SLC12A8: variants seen among roughly 807,000 people sequenced by gnomAD.
SLC12A8 encodes solute carrier family 12 member 8.
In SLC12A8, 69 loss-of-function variants were observed where a neutral mutation model predicts 75.6. That is an observed-to-expected ratio of 0.91 (90% confidence interval 0.75 to 1.11). The LOEUF (loss-of-function observed/expected upper bound fraction) is 1.11. SLC12A8 is among the 50% of genes most tolerant of loss of function. The probability of loss-of-function intolerance (pLI) is 0.00; values close to 1 mark genes in which losing one functional copy is unlikely to be tolerated. For missense variants in SLC12A8, 877 were observed against 896.7 expected (o/e 0.98, Z 0.28); for synonymous variants, 365 against 372.8 (o/e 0.98, Z 0.24).
intron 8 of SLC12A8, among the ~76,000 whole-genome samples, chr3:125,114,840 ATC>A (rs1939269968): frequency 6.6e-6 from 1 of 152,216 alleles, no homozygotes; most frequent in African/African-American, 2.4e-5. Flanking sequence ...TGTAATAAAC[ATC>A]TGTTTCCTGG....
intron 2 of SLC12A8, among the ~76,000 whole-genome samples, chr3:125,209,071 C>A (rs1935287581): frequency 6.6e-6 from 1 of 152,182 alleles, no homozygotes; most frequent in South Asian, 2.1e-4. Flanking sequence ...AATTTCTGAT[C>A]CCCAAGACTG....
In SLC12A8 at chr3:125,083,789, T is replaced by C; in HGVS notation, c.*101A>G. On this transcript the variant is annotated 3_prime_UTR_variant, in exon 14 of 14. Coordinates refer to ENST00000469902, the MANE Select transcript of SLC12A8 (RefSeq NM_024628.6). The stretch of plus-strand genomic sequence containing the variant: ...TCCAAAGTGACAGCGGGAGGATGGG[T>C]CTTGAGTTTCTCAGGTTGGAGAAGC... The C allele has an allele frequency of 8.8e-7, 1 of 1,139,298 alleles. No homozygotes were observed. Among genetic ancestry groups the C allele is most frequent in the Non-Finnish European group, 1.2e-6 (1 of 805,174 alleles). 70.6% of individuals were successfully genotyped at this position (1,139,298 alleles called of 1,614,324 possible).
intron 5 of SLC12A8, among the ~76,000 whole-genome samples, chr3:125,158,131 C>T (rs1169419139): frequency 6.6e-6 from 1 of 152,112 alleles, no homozygotes; most frequent in Admixed American, 6.5e-5. Context: ...AATACATTTT[C>T]TTGTTTCAAT....
At chr3:125,120,507 G>T (rs561241039) in intron 7 of SLC12A8, 92 bp downstream of exon 7, 7 of 879,906 alleles carry the variant, frequency 8.0e-6, no homozygotes, top group Admixed American at 4.1e-5. Context: ...CACAGTCGGG[G>T]CACTCTCAGA....
chr3:125,166,858 A>G (rs1438939928), intron 5 of SLC12A8, among the ~76,000 whole-genome samples: 3 of 152,336 alleles, frequency 2.0e-5, no homozygotes, highest in Admixed American at 2.0e-4. Flanking sequence ...TGTATATAAA[A>G]TTTTCAAACG....
chr3:125,201,787 T>G (rs1194590131), intron 2 of SLC12A8, among the ~76,000 whole-genome samples: 1 of 152,004 alleles, frequency 6.6e-6, no homozygotes, highest in Non-Finnish European at 1.5e-5. Context: ...ACCCACCCTT[T>G]GATTAAGGTG....
At chr3:125,191,038 G>T (rs1407655432) in intron 2 of SLC12A8, among the ~76,000 whole-genome samples, 1 of 152,154 alleles carries the variant, frequency 6.6e-6, no homozygotes, top group Non-Finnish European at 1.5e-5. Context: ...TTGACATTTG[G>T]CCAACCTTAC....
chr3:125,086,818 TCCATC>T (rs978914788), intron 13 of SLC12A8, among the ~76,000 whole-genome samples: 1 of 152,156 alleles, frequency 6.6e-6, no homozygotes, highest in Non-Finnish European at 1.5e-5. Flanking sequence ...CACCCCAGCC[TCCATC>T]CCTGGGCCCT....
At chr3:125,091,903 A>T (rs1198050971) in intron 11 of SLC12A8, among the ~76,000 whole-genome samples, 198 bp downstream of exon 11, 1 of 152,234 alleles carries the variant, frequency 6.6e-6, no homozygotes, top group Non-Finnish European at 1.5e-5. Flanking sequence ...TTATTTAAAA[A>T]GGAAATTATT....
At chr3:125,140,774 C>T (rs1221765488) in intron 5 of SLC12A8, among the ~76,000 whole-genome samples, 1 of 151,868 alleles carries the variant, frequency 6.6e-6, no homozygotes, top group East Asian at 1.9e-4. Context: ...GGCTGGAGTG[C>T]AGTGGCACTA....
chr3:125,153,883 G>A (rs1346762441), intron 5 of SLC12A8, among the ~76,000 whole-genome samples: 1 of 152,136 alleles, frequency 6.6e-6, no homozygotes, highest in Non-Finnish European at 1.5e-5. Flanking sequence ...GACTAGCTGG[G>A]GTTACAGGCG....
At chr3:125,138,654 T>C (rs1220838078) in intron 5 of SLC12A8, among the ~76,000 whole-genome samples, 1 of 152,214 alleles carries the variant, frequency 6.6e-6, no homozygotes, top group East Asian at 1.9e-4. Context: ...TGGTTGTTTG[T>C]ATAATGCAAT....
chr3:125,197,035 G>A (rs816340), intron 2 of SLC12A8, among the ~76,000 whole-genome samples: 40,215 of 151,996 alleles, frequency 0.26, 5,690 homozygotes, highest in South Asian at 0.47. Flanking sequence ...AAGGAACCAG[G>A]GCTCCTTGCA....
chr3:125,160,988 T>C (rs1372875259), intron 5 of SLC12A8, among the ~76,000 whole-genome samples: 2 of 151,986 alleles, frequency 1.3e-5, no homozygotes, highest in Non-Finnish European at 1.5e-5. Flanking sequence ...TTGGTTTGCC[T>C]TTAAATACCA....
At chr3:125,143,518 G>A (rs1372425796) in intron 5 of SLC12A8, among the ~76,000 whole-genome samples, 1 of 152,242 alleles carries the variant, frequency 6.6e-6, no homozygotes, top group African/African-American at 2.4e-5. Context: ...GAGAGGATGT[G>A]CACAGGGTTT....
At position 125,136,248 on chromosome 3, in the gene SLC12A8, T is replaced by C. The variant is rs537744941; in HGVS notation, c.623-466A>G. On this transcript the variant is annotated intron_variant, in intron 5 of 13. Transcript: ENST00000469902. ...CAACCTGGCAACAGCCACCGCTCCC[T>C]ACTCATCCCTTGCTTTTTCTCCTCC... Among the ~76,000 whole-genome samples, 19 of 152,256 alleles carry C rather than the reference T, an allele frequency of 1.2e-4. No individual in the cohort carries two copies. The East Asian group carries it at 3.1e-3, about 25-fold the overall frequency.
chr3:125,156,029 A>T (rs907982070), intron 5 of SLC12A8, among the ~76,000 whole-genome samples: 2 of 152,064 alleles, frequency 1.3e-5, no homozygotes, highest in Non-Finnish European at 2.9e-5. Context: ...TCACATGCAA[A>T]TGGTGGCCAC....
chr3:125,086,892 G>A (rs1262155144), intron 13 of SLC12A8, among the ~76,000 whole-genome samples: 3 of 152,160 alleles, frequency 2.0e-5, no homozygotes, highest in East Asian at 3.9e-4. Context: ...GCTCCAGCAC[G>A]AAGGCTTTAT....
chr3:125,173,424 G>A (rs186820090), intron 5 of SLC12A8, among the ~76,000 whole-genome samples: 53 of 137,310 alleles, frequency 3.9e-4, no homozygotes, highest in Admixed American at 6.3e-4. Flanking sequence ...TCAACAACTG[G>A]TGCTGGAACA....
Sources: allele counts gnomAD v4.1 joint callset (sites outside exome capture counted in the v4.1 genomes callset), GRCh38; gene constraint gnomAD v4.1.1; transcripts MANE v1.5; gene names NCBI Gene and HGNC (gene_info 2026-07-23, HGNC 2026-07-21).